COL27A1: variants seen among roughly 807,000 people sequenced by gnomAD.
COL27A1 encodes collagen type XXVII alpha 1 chain.
In COL27A1, 106 loss-of-function variants were observed where a neutral mutation model predicts 251.3. The observed-to-expected ratio is 0.42, with a 90% confidence interval of 0.36 to 0.50. The LOEUF is 0.50. Among genes scored for constraint, COL27A1 ranks in the 20% least tolerant of loss-of-function variants. COL27A1 has a pLI of 0.00. For missense variants in COL27A1, 2,325 were observed against 2,522.8 expected (o/e 0.92, Z 1.68); for synonymous variants, 1,000 against 986.3 (o/e 1.01, Z -0.26).
intron 35 of COL27A1, among the ~76,000 whole-genome samples, 197 bp from the exon 36 acceptor site, chr9:114,270,531 G>C (rs1835070616): frequency 6.6e-6 from 1 of 152,182 alleles, no homozygotes; most frequent in Non-Finnish European, 1.5e-5. Flanking sequence ...CTGAGGGTGG[G>C]CACCTCAACC....
At chr9:114,179,729 G>C (rs889570258) in intron 4 of COL27A1, among the ~76,000 whole-genome samples, 3 of 151,812 alleles carry the variant, frequency 2.0e-5, no homozygotes, top group Non-Finnish European at 2.9e-5. Flanking sequence ...TACAGATGAG[G>C]AAACTGAGGC....
At chr9:114,218,027 T>A (rs1178320401) in intron 12 of COL27A1, 1 of 355,196 alleles carries the variant, frequency 2.8e-6, no homozygotes. Context: ...GGCGGCAGGA[T>A]CACTAGGAGG....
chr9:114,282,590 G>C, intron 39 of COL27A1, 26 bp downstream of exon 39: 1 of 1,418,386 alleles, frequency 7.1e-7, no homozygotes, highest in African/African-American at 1.5e-5. Context: ...CTGGGGTGGG[G>C]GAGTCAGATG....
At chr9:114,227,298 G>C (rs1831537688) in intron 14 of COL27A1, among the ~76,000 whole-genome samples, 1 of 146,524 alleles carries the variant, frequency 6.8e-6, no homozygotes, top group Non-Finnish European at 1.5e-5. Context: ...CAATAGGAAA[G>C]GCAACCTTGA....
chr9:114,169,860 C>T (rs535118374), intron 3 of COL27A1, among the ~76,000 whole-genome samples: 1 of 152,258 alleles, frequency 6.6e-6, no homozygotes, highest in Non-Finnish European at 1.5e-5. Flanking sequence ...TCTCCCAGCT[C>T]ATGGAGCAGG....
rs550268937 is a variant in COL27A1 at position 114,264,750 on chromosome 9, G to A, written c.3250-174G>A. Among the ~76,000 whole-genome samples the A allele has an allele frequency of 7.2e-5, 11 of 152,254 alleles. No homozygotes were observed. In the South Asian group the frequency reaches 1.7e-3, roughly 23 times the overall value. ...TTCTCCACCTGGAGCAGCTGGTGAC[G>A]GTGGCGAGCCACTCCCCTTGTCAGG... On this transcript the variant is annotated intron_variant, in intron 29 of 60. Coordinates refer to ENST00000356083, the MANE Select transcript of COL27A1 (RefSeq NM_032888.4).
chr9:114,288,476 A>C lies in COL27A1; in HGVS notation c.4009A>C (p.Lys1337Gln). ...GEKGEQGEDG[K>Q]AEGPPGPPGD... ...ACAGGGGGAGCAGGGCGAGGACGGCAAGGCTGAGGGGCCCCCTGGGCCACC... is the reference window on the plus strand; with the variant it reads ...ACAGGGGGAGCAGGGCGAGGACGGCCAGGCTGAGGGGCCCCCTGGGCCACC... The change falls in exon 42 of 61, where the codon AAG becomes CAG. Residue 1337 changes from lysine to glutamine, a missense_variant. Physicochemically the swap from Lys to Gln is moderately conservative, Grantham distance 53. Coordinates refer to ENST00000356083, the MANE Select transcript of COL27A1 (RefSeq NM_032888.4). The C allele has an allele frequency of 1.2e-6, 2 of 1,610,280 alleles. No homozygotes were observed. Among genetic ancestry groups the C allele is most frequent in the Non-Finnish European group, 1.7e-6 (2 of 1,179,002 alleles).
At chr9:114,223,186 C>T (rs930888463) in intron 14 of COL27A1, among the ~76,000 whole-genome samples, 14 of 152,174 alleles carry the variant, frequency 9.2e-5, no homozygotes, top group African/African-American at 3.4e-4. Context: ...CTCCAAGTGT[C>T]CCCATAATCT....
intron 27 of COL27A1, among the ~76,000 whole-genome samples, chr9:114,254,104 A>G (rs1833761111): frequency 6.6e-6 from 1 of 152,028 alleles, no homozygotes; most frequent in Admixed American, 6.5e-5. Flanking sequence ...CTTCCTTTGG[A>G]GCATGTAGTC....
chr9:114,218,230 G>C (rs1830842284), intron 12 of COL27A1: 1 of 174,784 alleles, frequency 5.7e-6, no homozygotes, highest in African/African-American at 2.4e-5. Context: ...GAATTTACCA[G>C]GGGAGACCCT....
At chr9:114,304,762 T>A in intron 57 of COL27A1, 89 bp downstream of exon 57, 11 of 1,112,040 alleles carry the variant, frequency 9.9e-6, no homozygotes, top group Non-Finnish European at 1.5e-5. Flanking sequence ...GCCTTCCATG[T>A]GGCCTGCATG....
Position 114,235,634 on chromosome 9 carries a change from C to G in COL27A1, c.2601C>G (p.Pro867=). The G allele has an allele frequency of 6.2e-7, 1 of 1,613,570 alleles. No homozygotes were observed. The highest frequency in any genetic ancestry group is 8.5e-7 in the Non-Finnish European group (1 of 1,179,590). Residue 867 remains proline, a synonymous_variant, in exon 17 of 61, where the codon CCC becomes CCG. Coordinates refer to ENST00000356083, the MANE Select transcript of COL27A1 (RefSeq NM_032888.4). ...GGGTTCCAGGTGTGTCAGGAGATCC[C>G]GGATTCCAAGGAGACAAGGTAATTG... The part of the protein sequence containing the change: ...EQGVPGVSGD[P]GFQGDKGSQG...
rs1049154946 is a variant in COL27A1, at chr9:114,284,588, C to T, written c.3934-136C>T. On this transcript the variant is annotated intron_variant, in intron 40 of 60. Coordinates refer to ENST00000356083, the MANE Select transcript of COL27A1 (RefSeq NM_032888.4). ...AGGCCAGGGCCCAGACAGGCACAGA[C>T]TTACTCAGAGCCACACAGCCAGCTG... The T allele has an allele frequency of 4.7e-6, 4 of 842,686 alleles. No homozygotes were observed. The African/African-American group carries it at 6.7e-5, about 14-fold the overall frequency. The allele number at this position is 842,686 out of a possible 1,614,324, so 52.2% of individuals were successfully genotyped here.
chr9:114,300,508 T>C lies in COL27A1; in HGVS notation c.4639-117T>C, dbSNP rs777780423. The stretch of plus-strand genomic sequence containing the variant: ...CTTACTCCTTCTGGGGCCTCTCAGG[T>C]AAGGCCTCTCTTGACAAGAAGGGCA... On this transcript the variant is annotated intron_variant, in intron 50 of 60. Coordinates refer to ENST00000356083, the MANE Select transcript of COL27A1 (RefSeq NM_032888.4). 13 of 731,076 alleles carry C rather than the reference T, an allele frequency of 1.8e-5. No individual in the cohort carries two copies. The Middle Eastern group carries it at 1.2e-3, about 66-fold the overall frequency. 45.3% of individuals were successfully genotyped at this position (731,076 alleles called of 1,614,324 possible).
rs542390664 is a variant in COL27A1, at chr9:114,291,172, CG to C, written c.4476+258del. Among the ~76,000 whole-genome samples, 664 of 152,286 alleles carry C rather than the reference CG, an allele frequency of 4.4e-3. 9 individuals are homozygous for C. The highest frequency in any genetic ancestry group is 0.015 in the African/African-American group (608 of 41,562). ...CTTCAACTGGTTTTTGAGTTGTCCA[CG>C]GGCGCCCTCTCGTGGACATTTGTGG... On this transcript the variant is annotated intron_variant, in intron 48 of 60. Transcript: ENST00000356083.
chr9:114,215,103 G>A (rs1830635398), intron 12 of COL27A1, among the ~76,000 whole-genome samples: 1 of 152,256 alleles, frequency 6.6e-6, no homozygotes, highest in Admixed American at 6.5e-5. Flanking sequence ...AGTGAGTCCG[G>A]AGGGAAGACC....
chr9:114,184,669 G>A (rs1029032536), intron 5 of COL27A1, among the ~76,000 whole-genome samples: 42 of 152,310 alleles, frequency 2.8e-4, no homozygotes, highest in African/African-American at 9.9e-4. Flanking sequence ...GCCAGGCACT[G>A]TTCATGCGTT....
chr9:114,180,708 G>T (rs976672456), intron 4 of COL27A1, among the ~76,000 whole-genome samples: 1 of 152,174 alleles, frequency 6.6e-6, no homozygotes, highest in African/African-American at 2.4e-5. Context: ...GCCCATGGAG[G>T]GATGTTGGGG....
At chr9:114,158,709 G>A (rs1848294073) in intron 1 of COL27A1, among the ~76,000 whole-genome samples, 1 of 152,188 alleles carries the variant, frequency 6.6e-6, no homozygotes, top group Non-Finnish European at 1.5e-5. Context: ...AGAATCGGCA[G>A]GGCCTCCCTC....
Sources: allele counts gnomAD v4.1 joint callset (sites outside exome capture counted in the v4.1 genomes callset), GRCh38; gene constraint gnomAD v4.1.1; transcripts MANE v1.5; gene names NCBI Gene and HGNC (gene_info 2026-07-23, HGNC 2026-07-21).